NLRP3: variants seen among roughly 807,000 people sequenced by gnomAD.
NLRP3 encodes NACHT, LRR and PYD domains-containing protein 3.
In NLRP3, 48 loss-of-function variants were observed where a neutral mutation model predicts 91.3. The ratio of observed to expected loss-of-function variants is 0.53; its 90% confidence interval spans 0.42 to 0.67. NLRP3 has a LOEUF of 0.67. Among genes scored for constraint, NLRP3 ranks in the 30% least tolerant of loss-of-function variants. NLRP3 has a pLI of 0.00. For missense variants in NLRP3, 982 were observed against 1,276.9 expected (o/e 0.77, Z 3.52); for synonymous variants, 561 against 507.9 (o/e 1.10, Z -1.41).
At position 247,423,869 on chromosome 1, in the gene NLRP3, G is replaced by C; in HGVS notation, c.420G>C (p.Lys140Asn). 6.2e-7 allele frequency: 1 copy of C among 1,614,010 alleles called. No individual in the cohort carries two copies. The highest frequency in any genetic ancestry group is 1.7e-5 in the Admixed American group (1 of 59,994). ...MKKDYRKKYRKYVRSRFQCIE... is the reference protein window; with the variant it reads ...MKKDYRKKYRNYVRSRFQCIE... ...TAGATTACCGTAAGAAGTACAGAAA[G>C]TACGTGAGAAGCAGATTCCAGTGCA... Residue 140 changes from lysine to asparagine, a missense_variant, in exon 4 of 10, where the codon AAG becomes AAC. Transcript: ENST00000336119.
chr1:247,442,321 A>G (rs1664292872), intron 7 of NLRP3, among the ~76,000 whole-genome samples: 1 of 152,192 alleles, frequency 6.6e-6, no homozygotes, highest in Non-Finnish European at 1.5e-5. Flanking sequence ...AGCTTAAAAA[A>G]CATGCCATTG....
intron 7 of NLRP3, among the ~76,000 whole-genome samples, chr1:247,438,378 G>GTGTTTTT (rs778311030): frequency 2.1e-4 from 15 of 71,914 alleles, no homozygotes; most frequent in South Asian, 6.0e-4. Flanking sequence ...GTTTAGTTGT[G>GTGTTTTT]TTTTTTTTTT....
chr1:247,448,761 G>T lies in NLRP3; in HGVS notation c.*257G>T. 1 of 527,518 alleles carries T rather than the reference G, an allele frequency of 1.9e-6. No homozygotes were observed. The highest frequency in any genetic ancestry group is 2.2e-5 in the South Asian group (1 of 46,458). 32.7% of individuals were successfully genotyped at this position (527,518 alleles called of 1,614,324 possible). A position where few individuals can be genotyped will look rare whatever the true frequency, so the allele number is the denominator to read the frequency against. On this transcript the variant is annotated 3_prime_UTR_variant, in exon 10 of 10. Coordinates refer to ENST00000336119, the MANE Select transcript of NLRP3 (RefSeq NM_001243133.2). Reference sequence around the variant, plus strand: ...CATCACAGCGCCTCAGTTAGAGGATGTTCCTCTTGGTGACCTCATGTAATT... The same window carrying T: ...CATCACAGCGCCTCAGTTAGAGGATTTTCCTCTTGGTGACCTCATGTAATT...
In NLRP3 at chr1:247,419,029, A is replaced by G. The variant is rs780156727; in HGVS notation, c.229A>G (p.Asn77Asp). ...GGCCGTGTGGATCTTCGCTGCGATC[A>G]ACAGGAGAGACCTTTATGAGAAAGC... ...AMAVWIFAAI[N>D]RRDLYEKAKR... Residue 77 changes from asparagine to aspartate, a missense_variant, in exon 2 of 10, where the codon AAC becomes GAC. By Grantham distance (23) the Asn-to-Asp change is conservative. Coordinates refer to ENST00000336119, the MANE Select transcript of NLRP3 (RefSeq NM_001243133.2). 3 of 1,613,454 alleles carry G rather than the reference A, an allele frequency of 1.9e-6. No homozygotes were observed. The highest frequency in any genetic ancestry group is 2.5e-6 in the Non-Finnish European group (3 of 1,180,004).
In NLRP3 at chr1:247,429,468, T is replaced by C. The variant is rs910814179; in HGVS notation, c.2151-117T>C. On this transcript the variant is annotated intron_variant, in intron 4 of 9. Coordinates refer to ENST00000336119, the MANE Select transcript of NLRP3 (RefSeq NM_001243133.2). ...AACAATTTTTGGTTTCGTGACCCAT[T>C]TCTTAATCCCCGGAAGGCATTTCTC... 18 of 1,199,696 alleles carry C rather than the reference T, an allele frequency of 1.5e-5. No individual in the cohort carries two copies. In the African/African-American group the frequency reaches 2.7e-4, roughly 18 times the overall value. The allele number at this position is 1,199,696 out of a possible 1,614,324, so 74.3% of individuals were successfully genotyped here.
chr1:247,444,545 C>CT (rs938807600), intron 8 of NLRP3, 106 bp from the exon 9 acceptor site: 41,494 of 842,874 alleles, frequency 0.049, 3 homozygotes, highest in Non-Finnish European at 0.056. Context: ...TGCTCCTGTG[C>CT]TTTTTTTTTT....
intron 7 of NLRP3, among the ~76,000 whole-genome samples, chr1:247,438,968 G>GTCCA (rs1219205569): frequency 2.6e-5 from 4 of 151,212 alleles, no homozygotes; most frequent in African/African-American, 9.7e-5. Flanking sequence ...CCATTCATCT[G>GTCCA]TCCATCCATC....
At chr1:247,427,887 A>C (rs113898156) in intron 4 of NLRP3, among the ~76,000 whole-genome samples, 5,659 of 49,850 alleles carry the variant, frequency 0.11, 364 homozygotes, top group South Asian at 0.22. Context: ...CACCTGCCTT[A>C]CTCTGAGGAC....
Position 247,424,539 on chromosome 1 carries a change from C to A in NLRP3, c.1090C>A (p.Arg364=), listed in dbSNP as rs994458759. The A allele has an allele frequency of 4.3e-6, 7 of 1,614,058 alleles. No homozygotes were observed. In the African/African-American group the frequency reaches 9.3e-5, roughly 22 times the overall value. ...ACTGCAGCACTTGCTGGACCATCCTCGGCATGTGGAGATCCTGGGTTTCTC... is the reference window on the plus strand; with the variant it reads ...ACTGCAGCACTTGCTGGACCATCCTAGGCATGTGGAGATCCTGGGTTTCTC... The part of the protein sequence containing the change: ...EKLQHLLDHP[R]HVEILGFSEA... The change falls in exon 4 of 10, where the codon CGG becomes AGG. Residue 364 remains arginine, a synonymous_variant. Transcript: ENST00000336119. This position sits in a 1 kb window ranked among gnomAD's most constrained non-coding sequence, Gnocchi z 8.1.
intron 4 of NLRP3, among the ~76,000 whole-genome samples, chr1:247,428,839 C>T (rs574128962): frequency 3.6e-4 from 55 of 151,826 alleles, no homozygotes; most frequent in Admixed American, 3.2e-3. Context: ...CTAGTTCCAC[C>T]TCAGAGCTTC....
At chr1:247,423,807 G>GT in intron 3 of NLRP3, 40 bp from the exon 4 acceptor site, 1 of 1,569,408 alleles carries the variant, frequency 6.4e-7, no homozygotes, top group South Asian at 1.1e-5. Flanking sequence ...TCAGGTGGAT[G>GT]TGTGTATACT....
At chr1:247,422,641 C>T (rs200764097) in intron 2 of NLRP3, among the ~76,000 whole-genome samples, 28 of 151,992 alleles carry the variant, frequency 1.8e-4, no homozygotes, top group Middle Eastern at 6.3e-3. Context: ...AACCTCTGGG[C>T]GTGCAGTCCT....
At chr1:247,430,000 G>A (rs1410468572) in intron 5 of NLRP3, among the ~76,000 whole-genome samples, 3 of 151,980 alleles carry the variant, frequency 2.0e-5, no homozygotes, top group Non-Finnish European at 4.4e-5. Context: ...TCAGCCTCCT[G>A]AGTAGCTGGG....
chr1:247,423,024 A>G (rs1662577732), intron 2 of NLRP3, among the ~76,000 whole-genome samples: 1 of 152,186 alleles, frequency 6.6e-6, no homozygotes, highest in Non-Finnish European at 1.5e-5. Context: ...TGGCAGGTGG[A>G]CAGCAGAAGT....
chr1:247,428,332 G>A (rs906046294), intron 4 of NLRP3, among the ~76,000 whole-genome samples: 3 of 152,234 alleles, frequency 2.0e-5, no homozygotes, highest in Non-Finnish European at 4.4e-5. Flanking sequence ...TACTCTGAGG[G>A]CAGGAGCTTG....
At chr1:247,431,204 A>AATC (rs1234800829) in intron 5 of NLRP3, among the ~76,000 whole-genome samples, 1 of 151,844 alleles carries the variant, frequency 6.6e-6, no homozygotes, top group Non-Finnish European at 1.5e-5. Flanking sequence ...TAATAATAAT[A>AATC]ATAATAAAAA....
chr1:247,441,131 CT>C (rs1558207096), intron 7 of NLRP3, among the ~76,000 whole-genome samples: 1 of 21,990 alleles, frequency 4.5e-5, no homozygotes, highest in African/African-American at 1.3e-4. Context: ...TTCTTTTTCT[CT>C]TTCTTTCTTT....
At chr1:247,417,589 C>A (rs1662145751) in intron 1 of NLRP3, among the ~76,000 whole-genome samples, 1 of 152,136 alleles carries the variant, frequency 6.6e-6, no homozygotes, top group South Asian at 2.1e-4. Context: ...TCAAGCGATT[C>A]TCCTGCCTCA....
intron 5 of NLRP3, among the ~76,000 whole-genome samples, chr1:247,433,223 AAG>A (rs1222052431): frequency 1.3e-5 from 2 of 151,966 alleles, no homozygotes; most frequent in Admixed American, 1.3e-4. Flanking sequence ...AAGAAAAGAA[AAG>A]AAAAGAAAAA....
Sources: allele counts gnomAD v4.1 joint callset (sites outside exome capture counted in the v4.1 genomes callset), GRCh38; gene constraint gnomAD v4.1.1; non-coding constraint Gnocchi (gnomAD v3.1); transcripts MANE v1.5; gene names NCBI Gene and HGNC (gene_info 2026-07-23, HGNC 2026-07-21).